The following FOXN3 variants were observed in gnomAD, a reference collection of about 807,000 sequenced individuals.
FOXN3 encodes forkhead box protein N3.
In FOXN3, 7 loss-of-function variants were observed where a neutral mutation model predicts 38.4. The ratio of observed to expected loss-of-function variants is 0.18; its 90% CI spans 0.10 to 0.34. The LOEUF (loss-of-function observed/expected upper bound fraction) is 0.34. Among genes scored for constraint, FOXN3 ranks in the 10% least tolerant of loss-of-function variants. The probability of loss-of-function intolerance (pLI) is 1.00; values close to 1 mark genes in which losing one functional copy is unlikely to be tolerated. For missense variants in FOXN3, 456 were observed against 613.4 expected, an observed-to-expected ratio of 0.74 and a Z score of 2.71; for synonymous variants, 230 against 242.2, an observed-to-expected ratio of 0.95 and a Z score of 0.47.
intron 3 of FOXN3, among the ~76,000 whole-genome samples, chr14:89,297,440 G>C (rs1460301524): frequency 1.3e-5 from 2 of 151,860 alleles, no homozygotes; most frequent in Non-Finnish European, 2.9e-5. Context: ...GGCGCCTGTA[G>C]TCCCAGCTAC....
chr14:89,486,760 C>G (rs1040629101), intron 1 of FOXN3: 1 of 152,156 alleles, frequency 6.6e-6, no homozygotes, highest in African/African-American at 2.4e-5. Context: ...TGGCCTGACT[C>G]TAGAAAATGA....
In FOXN3 at chr14:89,476,371, G is replaced by A. The variant is rs112966839; in HGVS notation, c.-14-63881C>T. On this transcript the variant is annotated intron_variant, in intron 1 of 6. Coordinates refer to the FOXN3 transcript ENST00000345097. ...AACAGCCCTTCCTCCTCAGACTCCCGGCAGATGCCCCTGCTCGGACCCCCA... is the reference window on the plus strand; with the variant it reads ...AACAGCCCTTCCTCCTCAGACTCCCAGCAGATGCCCCTGCTCGGACCCCCA... 4.8e-3 allele frequency among the ~76,000 whole-genome samples: 734 copies of A among 152,184 alleles called. 3 individuals carry two copies. The highest frequency in any genetic ancestry group is 0.017 in the African/African-American group (703 of 41,510).
At chr14:89,283,283 T>C (rs1277774202) in intron 3 of FOXN3, among the ~76,000 whole-genome samples, 1 of 152,180 alleles carries the variant, frequency 6.6e-6, no homozygotes, top group Non-Finnish European at 1.5e-5. Flanking sequence ...AACCCTATTT[T>C]ATGACCTCTA....
At chr14:89,563,589 G>A (rs1000729851) in intron 1 of FOXN3, among the ~76,000 whole-genome samples, 21 of 152,198 alleles carry the variant, frequency 1.4e-4, no homozygotes, top group African/African-American at 4.8e-4. Flanking sequence ...GAAGGGTGAT[G>A]CATGCGAGCC....
At chr14:89,368,824 G>A (rs915055657) in intron 2 of FOXN3, among the ~76,000 whole-genome samples, 3 of 152,164 alleles carry the variant, frequency 2.0e-5, no homozygotes, top group African/African-American at 7.2e-5. Flanking sequence ...CAGTCCTCCT[G>A]AGAGTCAACC....
At chr14:89,383,042 T>TTTTTG (rs1890700456) in intron 2 of FOXN3, among the ~76,000 whole-genome samples, 1 of 149,644 alleles carries the variant, frequency 6.7e-6, no homozygotes, top group African/African-American at 2.5e-5. Flanking sequence ...TTTTTTTTTT[T>TTTTTG]TTTTTTTTTT....
At chr14:89,170,986 G>C (rs1286402951) in intron 5 of FOXN3, among the ~76,000 whole-genome samples, 1 of 151,330 alleles carries the variant, frequency 6.6e-6, no homozygotes, top group East Asian at 1.9e-4. Context: ...AAAAAAGAAA[G>C]GAAATTATAA....
chr14:89,217,620 G>C (rs1027219581), intron 4 of FOXN3, among the ~76,000 whole-genome samples: 3 of 152,158 alleles, frequency 2.0e-5, no homozygotes, highest in African/African-American at 7.2e-5. Context: ...TCTCCAAAGG[G>C]GACCATGCAC....
intron 1 of FOXN3, among the ~76,000 whole-genome samples, chr14:89,427,919 TAGCCTC>T (rs899259900): frequency 3.9e-5 from 6 of 152,160 alleles, no homozygotes; most frequent in Non-Finnish European, 8.8e-5. Context: ...CAGAGAAAAG[TAGCCTC>T]ATCAACATTT....
chr14:89,480,462 A>G (rs1033645117), intron 1 of FOXN3, among the ~76,000 whole-genome samples: 3 of 151,886 alleles, frequency 2.0e-5, no homozygotes, highest in African/African-American at 7.3e-5. Context: ...CAGTGTGTTG[A>G]CTTTTACACC....
intron 1 of FOXN3, among the ~76,000 whole-genome samples, chr14:89,547,447 G>GTTTGTTT (rs1343976014): frequency 2.0e-4 from 31 of 151,558 alleles, no homozygotes; most frequent in Admixed American, 5.3e-4. Flanking sequence ...TTTGTTTGTT[G>GTTTGTTT]TTTGTTTTTT....
intron 3 of FOXN3, among the ~76,000 whole-genome samples, chr14:89,321,207 C>T (rs1457066976): frequency 6.6e-6 from 1 of 152,094 alleles, no homozygotes; most frequent in African/African-American, 2.4e-5. Context: ...ACAAGAATCG[C>T]TTGAACCTGG....
intron 2 of FOXN3, among the ~76,000 whole-genome samples, chr14:89,390,995 G>A (rs978464177): frequency 2.0e-5 from 3 of 152,198 alleles, no homozygotes; most frequent in Admixed American, 6.5e-5. Context: ...TTCTCCAGTT[G>A]CTAAGGTTAA....
At chr14:89,613,291 A>G (rs1896432470) in intron 1 of FOXN3, among the ~76,000 whole-genome samples, 2 of 152,140 alleles carry the variant, frequency 1.3e-5, no homozygotes, top group South Asian at 2.1e-4. Context: ...CCTGTTAGCA[A>G]CTTCAGCAAG....
chr14:89,475,439 T>G (rs57493609), intron 1 of FOXN3, among the ~76,000 whole-genome samples: 49,263 of 151,876 alleles, frequency 0.32, 8,106 homozygotes, highest in South Asian at 0.38. Flanking sequence ...GAGGATTGCT[T>G]GAGCTCAGGA....
intron 1 of FOXN3, among the ~76,000 whole-genome samples, chr14:89,433,204 C>G (rs1892199038): frequency 6.6e-6 from 1 of 151,944 alleles, no homozygotes; most frequent in African/African-American, 2.4e-5. Context: ...ACAAAAATTG[C>G]TGGGCACGGT....
intron 1 of FOXN3, among the ~76,000 whole-genome samples, chr14:89,497,449 C>G (rs1374980461): frequency 1.4e-5 from 2 of 143,648 alleles, no homozygotes; most frequent in African/African-American, 5.2e-5. Flanking sequence ...TCTTGTTGCC[C>G]AGGCTGGAGT....
At position 89,459,050 on chromosome 14, in the gene FOXN3, C is replaced by G. The variant is rs142830771; in HGVS notation, c.-14-46560G>C. On this transcript the variant is annotated intron_variant, in intron 1 of 6. Coordinates refer to the FOXN3 transcript ENST00000345097. Reference sequence around the variant, plus strand: ...ATATGTTCTGAGTTTGCAGGAATCTCAACACTTTGGTCTGTGAATCACAAA... The same window carrying G: ...ATATGTTCTGAGTTTGCAGGAATCTGAACACTTTGGTCTGTGAATCACAAA... 2.0e-5 allele frequency among the ~76,000 whole-genome samples: 3 copies of G among 152,244 alleles called. No individual in the cohort carries two copies. In the East Asian group the frequency reaches 5.8e-4, roughly 29 times the overall value.
At chr14:89,217,628 C>T (rs951842699) in intron 4 of FOXN3, among the ~76,000 whole-genome samples, 2 of 152,230 alleles carry the variant, frequency 1.3e-5, no homozygotes, top group African/African-American at 2.4e-5. Context: ...GGGGACCATG[C>T]ACCCTAGTTC....
Sources: allele counts gnomAD v4.1 joint callset (sites outside exome capture counted in the v4.1 genomes callset), GRCh38; gene constraint gnomAD v4.1.1; transcripts MANE v1.5; gene names NCBI Gene and HGNC (gene_info 2026-07-23, HGNC 2026-07-21).